EPS8L2: variants seen among roughly 807,000 people sequenced by gnomAD.
The protein encoded by EPS8L2 is EPS8 signaling adaptor L2.
Under a neutral mutation model 99.4 loss-of-function variants are expected in EPS8L2, and 81 were observed. The observed-to-expected ratio is 0.82, with a 90% CI of 0.68 to 0.98. EPS8L2 has a LOEUF of 0.98. Ranked by LOEUF, EPS8L2 falls within the 50% of genes least tolerant of loss-of-function variation. EPS8L2 has a pLI of 0.00. For missense variants in EPS8L2, 1,155 were observed against 968.8 expected (o/e 1.19, Z -2.55); for synonymous variants, 509 against 407.3 (o/e 1.25, Z -3.01).
At chr11:725,699 T>G in intron 16 of EPS8L2, 29 bp from the exon 17 acceptor site, 5 of 1,302,498 alleles carry the variant, frequency 3.8e-6, no homozygotes, top group Middle Eastern at 2.9e-4. Context: ...AGCCTGGGTG[T>G]GGGGAGGGGC....
intron 4 of EPS8L2, 85 bp downstream of exon 4, chr11:710,571 A>C: frequency 7.9e-7 from 1 of 1,272,912 alleles, no homozygotes; most frequent in Non-Finnish European, 1.1e-6. Flanking sequence ...TCCACAAAAA[A>C]TAAAATAATT....
chr11:709,675 A>AG, intron 3 of EPS8L2, 67 bp downstream of exon 3: 1 of 1,552,506 alleles, frequency 6.4e-7, no homozygotes, highest in African/African-American at 1.4e-5. Flanking sequence ...CAGGTGGGGG[A>AG]CAGCTGCTCC....
In EPS8L2 at chr11:725,709, C is replaced by T; in HGVS notation, c.1561-19C>T. ...CGCAGAGCCTGGGTGTGGGGAGGGGCTGACGGCGCGCCCCGCAGGTGCTGG... is the reference window on the plus strand; with the variant it reads ...CGCAGAGCCTGGGTGTGGGGAGGGGTTGACGGCGCGCCCCGCAGGTGCTGG... On this transcript the variant is annotated intron_variant, in intron 16 of 20. Coordinates refer to ENST00000318562, the MANE Select transcript of EPS8L2 (RefSeq NM_022772.4). 1 of 1,315,132 alleles carries T rather than the reference C, an allele frequency of 7.6e-7. No homozygotes were observed. Among genetic ancestry groups the T allele is most frequent in the Non-Finnish European group, 9.7e-7 (1 of 1,034,490 alleles). 81.5% of individuals were successfully genotyped at this position (1,315,132 alleles called of 1,614,324 possible). A position where few individuals can be genotyped will look rare whatever the true frequency, so the allele number is the denominator to read the frequency against.
intron 13 of EPS8L2, 21 bp downstream of exon 13, chr11:722,570 G>A (rs780453523): frequency 6.2e-7 from 1 of 1,612,180 alleles, no homozygotes; most frequent in South Asian, 1.1e-5. Context: ...GCAGAGCAGT[G>A]CCGGGGCTTC....
chr11:715,204 TG>T (rs1413166843), intron 4 of EPS8L2, among the ~76,000 whole-genome samples: 4 of 151,246 alleles, frequency 2.6e-5, no homozygotes, highest in Admixed American at 1.3e-4. Flanking sequence ...ATTGCGCCAC[TG>T]CACTCCAGCC....
chr11:720,400 C>A lies in EPS8L2; in HGVS notation c.327+177C>A, dbSNP rs1396217026. 6.4e-6 allele frequency: 7 copies of A among 1,089,854 alleles called. No homozygotes were observed. In the East Asian group the frequency reaches 1.6e-4, roughly 24 times the overall value. 67.5% of individuals were successfully genotyped at this position (1,089,854 alleles called of 1,614,324 possible). The stretch of plus-strand genomic sequence containing the variant: ...AGAGGGCCGCATAGAGCTGAGAGTC[C>A]AGGGAAGTTTGGAAGCCGGGGTCAG... On this transcript the variant is annotated intron_variant, in intron 5 of 20. Coordinates refer to ENST00000318562, the MANE Select transcript of EPS8L2 (RefSeq NM_022772.4).
At chr11:726,519 C>G in intron 19 of EPS8L2, 35 bp downstream of exon 19, 1 of 1,516,740 alleles carries the variant, frequency 6.6e-7, no homozygotes, top group South Asian at 1.3e-5. Flanking sequence ...GGGGCCCGGG[C>G]GAGGGGTGGG....
At chr11:715,212 A>C (rs1290013594) in intron 4 of EPS8L2, among the ~76,000 whole-genome samples, 2 of 151,730 alleles carry the variant, frequency 1.3e-5, no homozygotes, top group East Asian at 1.9e-4. Flanking sequence ...ACTGCACTCC[A>C]GCCTGGGAGA....
intron 4 of EPS8L2, among the ~76,000 whole-genome samples, chr11:713,811 G>T (rs1861948781): frequency 6.6e-6 from 1 of 152,058 alleles, no homozygotes; most frequent in Non-Finnish European, 1.5e-5. Flanking sequence ...CTCCCAAAGT[G>T]GTGGGATTAC....
At position 726,965 on chromosome 11, in the gene EPS8L2, G is replaced by A. The variant is rs140464832; in HGVS notation, c.2132G>A (p.Arg711Lys). 16 of 1,612,614 alleles carry A rather than the reference G, an allele frequency of 9.9e-6. No individual in the cohort carries two copies. The highest frequency in any genetic ancestry group is 4.5e-5 in the East Asian group (2 of 44,876). ...AAGTTTCATTCCATGAATCAGAGGA[G>A]GGGGGAGGACAGCTAGGCCCAGCTG... Reference protein sequence around the residue: ...MNKFHSMNQRRGEDS With the variant: ...MNKFHSMNQRKGEDS The change falls in exon 21 of 21, where the codon AGG (arginine) becomes AAG (lysine). Residue 711 changes from arginine (R) to lysine (K), a missense_variant. Arg to Lys is a conservative substitution (Grantham distance 26). Coordinates refer to ENST00000318562, the MANE Select transcript of EPS8L2 (RefSeq NM_022772.4).
rs1466071855 is a variant in EPS8L2 at position 726,924 on chromosome 11, G to A, written c.2091G>A (p.Leu697=). ...AGAAGCAGCAAAGTGGGTCGGAGCT[G>A]GAAGAACTCATGAACAAGTTTCATT... The part of the protein sequence containing the change: ...FLEKQQSGSE[L]EELMNKFHSM... Residue 697 remains leucine, a synonymous_variant, in exon 21 of 21, where the codon CTG becomes CTA. Transcript: ENST00000318562. 6.2e-7 allele frequency: 1 copy of A among 1,613,340 alleles called. No individual in the cohort carries two copies. Among genetic ancestry groups the A allele is most frequent in the South Asian group, 1.1e-5 (1 of 90,956 alleles).
intron 4 of EPS8L2, among the ~76,000 whole-genome samples, chr11:717,265 G>A (rs567546197): frequency 5.3e-5 from 8 of 152,270 alleles, no homozygotes; most frequent in Non-Finnish European, 8.8e-5. Context: ...ATGAGCCACC[G>A]TGTCTGGCCC....
intron 20 of EPS8L2, 31 bp from the exon 21 acceptor site, chr11:726,870 G>C: frequency 1.2e-6 from 2 of 1,605,306 alleles, no homozygotes; most frequent in Non-Finnish European, 1.7e-6. Context: ...TGGGACCCCC[G>C]GCTGAGGATG....
intron 1 of EPS8L2, among the ~76,000 whole-genome samples, chr11:707,535 C>A (rs996490487): frequency 6.6e-6 from 1 of 152,206 alleles, no homozygotes; most frequent in African/African-American, 2.4e-5. Flanking sequence ...GGGAAAATGA[C>A]CACAGTACAA....
At chr11:719,110 C>T (rs1203261394) in intron 4 of EPS8L2, among the ~76,000 whole-genome samples, 7 of 151,342 alleles carry the variant, frequency 4.6e-5, no homozygotes, top group Admixed American at 3.3e-4. Context: ...GGATTACAGG[C>T]GCCCGCCACA....
rs948232558 is a variant in EPS8L2 at position 721,325 on chromosome 11, G to A, written c.741G>A (p.Val247=). The A allele has an allele frequency of 2.6e-6, 4 of 1,539,878 alleles. No homozygotes were observed. Among genetic ancestry groups the A allele is most frequent in the African/African-American group, 1.4e-5 (1 of 72,928 alleles). The change falls in exon 9 of 21, where the codon GTG becomes GTA. Residue 247 remains valine, a synonymous_variant. Coordinates refer to ENST00000318562, the MANE Select transcript of EPS8L2 (RefSeq NM_022772.4). ...RRESQEEPRA[V]LAQKIEKETQ... ...AGTCGCAGGAGGAGCCGCGGGCCGT[G>A]CTGGCTCAGAAGATAGAGAAGGAGA...
At chr11:717,043 C>A (rs1431458909) in intron 4 of EPS8L2, among the ~76,000 whole-genome samples, 2 of 152,232 alleles carry the variant, frequency 1.3e-5, no homozygotes, top group Non-Finnish European at 2.9e-5. Context: ...ATGGCACGAT[C>A]TCGGCTCACT....
At chr11:711,757 G>C (rs1401924540) in intron 4 of EPS8L2, among the ~76,000 whole-genome samples, 1 of 152,082 alleles carries the variant, frequency 6.6e-6, no homozygotes, top group Non-Finnish European at 1.5e-5. Flanking sequence ...GCTGAGGTGA[G>C]TGGATCATCT....
At chr11:721,236 A>G (rs1180965972) in intron 8 of EPS8L2, 30 bp downstream of exon 8, 2 of 1,535,760 alleles carry the variant, frequency 1.3e-6, no homozygotes, top group South Asian at 2.4e-5. Context: ...GGGGCTCCAC[A>G]GGGCTCGTTG....
Sources: gnomAD v4.1 joint callset for allele counts (sites outside exome capture counted in the v4.1 genomes callset) on GRCh38, gnomAD v4.1.1 for gene constraint, MANE v1.5 for transcripts, NCBI Gene and HGNC (gene_info 2026-07-23, HGNC 2026-07-21) for gene names.